The following CDKL2 variants were observed in gnomAD, a reference collection of about 807,000 sequenced individuals.
CDKL2 encodes cyclin-dependent kinase-like 2.
Under a neutral mutation model 63.9 loss-of-function variants are expected in CDKL2, and 64 were observed. The ratio of observed to expected loss-of-function variants is 1.00; its 90% CI spans 0.82 to 1.23. The LOEUF is 1.23. Ranked by LOEUF, CDKL2 falls within the 50% of genes most tolerant of loss-of-function variation. The pLI, the probability that CDKL2 is intolerant of heterozygous loss-of-function variation, is 0.00. For missense variants in CDKL2, 656 were observed against 668.0 expected, an observed-to-expected ratio of 0.98 and a Z score of 0.20; for synonymous variants, 211 against 229.2, an observed-to-expected ratio of 0.92 and a Z score of 0.72.
chr4:75,616,287 C>T (rs1402933187), intron 2 of CDKL2, among the ~76,000 whole-genome samples: 10 of 150,116 alleles, frequency 6.7e-5, no homozygotes, highest in Admixed American at 6.6e-4. Flanking sequence ...CTGGGTGGGG[C>T]AGAGTGAGAC....
At chr4:75,613,824 G>A (rs112953727) in intron 3 of CDKL2, among the ~76,000 whole-genome samples, 1 of 152,220 alleles carries the variant, frequency 6.6e-6, no homozygotes, top group African/African-American at 2.4e-5. Flanking sequence ...GGGAGGCCAA[G>A]GCAGGCAGAT....
intron 2 of CDKL2, among the ~76,000 whole-genome samples, chr4:75,622,880 T>G (rs1354045942): frequency 6.6e-6 from 1 of 152,016 alleles, no homozygotes; most frequent in Non-Finnish European, 1.5e-5. Flanking sequence ...CATTGGTAAA[T>G]TGATTCTAAA....
At position 75,585,508 on chromosome 4, in the gene CDKL2, G is replaced by A. The variant is rs190713940; in HGVS notation, c.1648-3610C>T. Reference sequence around the variant, plus strand: ...CTCAGGAGGTTGATGGGGGAAGATCGCTTGATCCTAGGAATTCAAGGTTGC... The same window carrying A: ...CTCAGGAGGTTGATGGGGGAAGATCACTTGATCCTAGGAATTCAAGGTTGC... On this transcript the variant is annotated intron_variant, in intron 12 of 13. Transcript: ENST00000307465. Among the ~76,000 whole-genome samples, 52 of 152,194 alleles carry A rather than the reference G, an allele frequency of 3.4e-4. 1 individual carries two copies. Among genetic ancestry groups the A allele is most frequent in the African/African-American group, 1.2e-3 (48 of 41,524 alleles).
At chr4:75,579,941 C>G (rs917279360) in intron 13 of CDKL2, among the ~76,000 whole-genome samples, 2 of 152,168 alleles carry the variant, frequency 1.3e-5, no homozygotes, top group African/African-American at 4.8e-5. Flanking sequence ...CACAGATGCT[C>G]AAAATGCTTT....
chr4:75,605,726 A>G, intron 4 of CDKL2, 92 bp from the exon 5 acceptor site: 1 of 744,216 alleles, frequency 1.3e-6, no homozygotes. Flanking sequence ...CTCAAAGGAA[A>G]TGCCAACCAG....
chr4:75,590,044 G>A (rs927183455), intron 12 of CDKL2, among the ~76,000 whole-genome samples: 3 of 151,616 alleles, frequency 2.0e-5, no homozygotes, highest in East Asian at 1.9e-4. Flanking sequence ...GTGCACTCCC[G>A]TGGTCCCAGC....
rs1560584354 is a variant in CDKL2, at chr4:75,605,611, CCAATGGCCCACACAT to C, written c.551_565del (p.Asp184_Ile188del). Reference sequence around the variant, plus strand: ...CATGAACATTTCAGTTACCAGACAACCAATGGCCCACACATCAACAGCCCTGAAAGAAAAGCAATG... The same window carrying C: ...CATGAACATTTCAGTTACCAGACAACCAACAGCCCTGAAAGAAAAGCAATG... On this transcript the variant is annotated inframe_deletion, in exon 5 of 14. Transcript: ENST00000307465. The C allele has an allele frequency of 3.1e-6, 5 of 1,613,342 alleles. No individual in the cohort carries two copies. Among genetic ancestry groups the C allele is most frequent in the Non-Finnish European group, 4.2e-6 (5 of 1,179,338 alleles).
At chr4:75,599,266 A>G (rs1460298133) in intron 7 of CDKL2, among the ~76,000 whole-genome samples, 1 of 152,224 alleles carries the variant, frequency 6.6e-6, no homozygotes. Context: ...CCAGCCTTTA[A>G]GAAACTACCA....
intron 5 of CDKL2, 140 bp downstream of exon 5, chr4:75,605,382 G>C (rs1729378061): frequency 1.9e-6 from 1 of 521,746 alleles, no homozygotes; most frequent in Non-Finnish European, 3.5e-6. Flanking sequence ...CACACACACA[G>C]AGTTTTCCTA....
chr4:75,627,408 A>G (rs900850780), intron 1 of CDKL2, among the ~76,000 whole-genome samples: 1 of 151,706 alleles, frequency 6.6e-6, no homozygotes, highest in Non-Finnish European at 1.5e-5. Flanking sequence ...AGTAGCTGGG[A>G]TTATAGGCGT....
intron 2 of CDKL2, among the ~76,000 whole-genome samples, chr4:75,615,183 C>CACACT (rs1371951181): frequency 6.6e-6 from 1 of 152,024 alleles, no homozygotes; most frequent in African/African-American, 2.4e-5. Context: ...AATTAAATCC[C>CACACT]ACACTGAGGC....
chr4:75,606,688 TAATA>T (rs759161899), intron 4 of CDKL2, among the ~76,000 whole-genome samples: 4 of 152,116 alleles, frequency 2.6e-5, no homozygotes, highest in South Asian at 4.1e-4. Context: ...ATCAAGAAAA[TAATA>T]AATAATGTTT....
At chr4:75,614,035 C>A (rs186545074) in intron 3 of CDKL2, among the ~76,000 whole-genome samples, 13 of 152,066 alleles carry the variant, frequency 8.5e-5, no homozygotes, top group Admixed American at 3.9e-4. Context: ...CCAGCCTGGG[C>A]GAAAGAGCGA....
intron 2 of CDKL2, among the ~76,000 whole-genome samples, chr4:75,617,164 C>A (rs1307335441): frequency 1.3e-5 from 2 of 152,064 alleles, no homozygotes; most frequent in Non-Finnish European, 2.9e-5. Context: ...ATGTAACAAA[C>A]CTGTACATCC....
intron 1 of CDKL2, among the ~76,000 whole-genome samples, chr4:75,628,877 G>A (rs1333423290): frequency 6.6e-6 from 1 of 152,038 alleles, no homozygotes; most frequent in Non-Finnish European, 1.5e-5. Context: ...TATATGTGGA[G>A]AACCAGAAGA....
chr4:75,578,129 GT>G lies in CDKL2; in HGVS notation c.*1072del, dbSNP rs1163344977. 1.3e-5 allele frequency: 2 copies of G among 152,010 alleles called. No homozygotes were observed. Among genetic ancestry groups the G allele is most frequent in the Non-Finnish European group, 2.9e-5 (2 of 68,000 alleles). 9.4% of individuals were successfully genotyped at this position (152,010 alleles called of 1,614,324 possible). The stretch of plus-strand genomic sequence containing the variant: ...TTAGTTTATTCCTCCCACCTAAAAA[GT>G]TTTGGATCCATGCATTGGAAAAGAT... On this transcript the variant is annotated 3_prime_UTR_variant, in exon 14 of 14. Coordinates refer to ENST00000307465, the MANE Select transcript of CDKL2 (RefSeq NM_001330724.2).
At chr4:75,602,208 T>C (rs1289583811) in intron 6 of CDKL2, among the ~76,000 whole-genome samples, 1 of 151,856 alleles carries the variant, frequency 6.6e-6, no homozygotes, top group Admixed American at 6.6e-5. Flanking sequence ...TGACATGGAG[T>C]CTCGCTCTGT....
At chr4:75,607,452 A>G (rs2148891540) in intron 3 of CDKL2, 91 bp from the exon 4 acceptor site, 1 of 939,856 alleles carries the variant, frequency 1.1e-6, no homozygotes, top group South Asian at 2.4e-5. Context: ...TTGTCCCTAT[A>G]AAGAATACAA....
At chr4:75,618,422 T>C (rs937814673) in intron 2 of CDKL2, among the ~76,000 whole-genome samples, 3 of 151,238 alleles carry the variant, frequency 2.0e-5, no homozygotes, top group Admixed American at 2.0e-4. Context: ...GCCCAGCTAA[T>C]TTTGTATTTT....
Sources: gnomAD v4.1 joint callset for allele counts (sites outside exome capture counted in the v4.1 genomes callset) on GRCh38, gnomAD v4.1.1 for gene constraint, MANE v1.5 for transcripts, NCBI Gene and HGNC (gene_info 2026-07-23, HGNC 2026-07-21) for gene names.